Variants in PCGF6 observed in about 807,000 individuals in gnomAD.
PCGF6 encodes polycomb group RING finger protein 6.
In PCGF6, 24 loss-of-function variants were observed where a neutral mutation model predicts 45.5. The observed-to-expected ratio is 0.53, with a 90% CI of 0.38 to 0.74. The LOEUF is 0.74. Ranked by LOEUF, PCGF6 falls within the 30% of genes least tolerant of loss-of-function variation. PCGF6 has a pLI of 0.00. For synonymous variants in PCGF6, 152 were observed against 162.1 expected (o/e 0.94, Z 0.47); for missense variants, 356 against 443.2 (o/e 0.80, Z 1.77).
Position 103,317,947 on chromosome 10 carries a change from G to A in PCGF6, c.910-3675C>T, listed in dbSNP as rs958193883. Among the ~76,000 whole-genome samples, 5 of 150,798 alleles carry A rather than the reference G, an allele frequency of 3.3e-5. 1 individual carries two copies. In the South Asian group the frequency reaches 8.4e-4, roughly 25 times the overall value. The stretch of plus-strand genomic sequence containing the variant: ...CTAATTTTGTATTTTTAGTAGACAC[G>A]GGGTTTCTCATCTTGGTCAGACTGG... On this transcript the variant is annotated intron_variant, in intron 8 of 9. Coordinates refer to ENST00000369847, the MANE Select transcript of PCGF6 (RefSeq NM_001011663.2).
chr10:103,332,712 C>T (rs777821031), intron 7 of PCGF6, among the ~76,000 whole-genome samples: 4 of 152,154 alleles, frequency 2.6e-5, no homozygotes, highest in East Asian at 3.9e-4. Flanking sequence ...CATACAAAAA[C>T]GTATCTGCCA....
At chr10:103,336,482 T>C (rs1040094193) in intron 6 of PCGF6, among the ~76,000 whole-genome samples, 2 of 152,162 alleles carry the variant, frequency 1.3e-5, no homozygotes, top group African/African-American at 4.8e-5. Flanking sequence ...ATTATCTCTG[T>C]AGAATACTTG....
chr10:103,326,099 C>T (rs2093217189), intron 8 of PCGF6, among the ~76,000 whole-genome samples: 1 of 152,048 alleles, frequency 6.6e-6, no homozygotes, highest in Admixed American at 6.6e-5. Context: ...TATCAATATT[C>T]AATTAGCATT....
rs141568985 is a variant in PCGF6 at position 103,341,609 on chromosome 10, T to C, written c.782+3415A>G. 6.8e-3 allele frequency among the ~76,000 whole-genome samples: 1,027 copies of C among 151,906 alleles called. 10 individuals carry two copies. The highest frequency in any genetic ancestry group is 0.01 in the Non-Finnish European group (709 of 67,938). On this transcript the variant is annotated intron_variant, in intron 6 of 9. Coordinates refer to ENST00000369847, the MANE Select transcript of PCGF6 (RefSeq NM_001011663.2). ...TGCAAGCCACCACATCCAGCTTTTT[T>C]TTTTTTTGTATTTTTAGTAAAGACG...
chr10:103,327,833 C>A (rs1208603726), intron 7 of PCGF6, among the ~76,000 whole-genome samples: 1 of 148,212 alleles, frequency 6.7e-6, no homozygotes, highest in Non-Finnish European at 1.5e-5. Context: ...CACCACTACG[C>A]CCAACTAATT....
At chr10:103,335,989 A>G (rs2093255809) in intron 6 of PCGF6, among the ~76,000 whole-genome samples, 1 of 150,530 alleles carries the variant, frequency 6.6e-6, no homozygotes, top group Admixed American at 6.6e-5. Context: ...AAAAGAGGCC[A>G]GGCGCGGTGG....
intron 7 of PCGF6, among the ~76,000 whole-genome samples, chr10:103,329,899 C>G (rs527694278): frequency 3.3e-5 from 5 of 152,208 alleles, no homozygotes; most frequent in Admixed American, 2.6e-4. Context: ...CTGCCTCAGC[C>G]TCCCGAGTAG....
chr10:103,346,702 G>A (rs1288756590), intron 5 of PCGF6, among the ~76,000 whole-genome samples: 2 of 152,170 alleles, frequency 1.3e-5, no homozygotes, highest in African/African-American at 4.8e-5. Flanking sequence ...GGCTGAGGCA[G>A]GAGAATTGCT....
intron 9 of PCGF6, among the ~76,000 whole-genome samples, chr10:103,311,583 C>T (rs1460401296): frequency 1.3e-5 from 2 of 149,648 alleles, no homozygotes; most frequent in Non-Finnish European, 3.0e-5. Context: ...GCTGGGATTA[C>T]AGGCATGAGC....
chr10:103,311,389 G>A lies in PCGF6; in HGVS notation c.996+2797C>T, dbSNP rs183791228. 7.8e-4 allele frequency among the ~76,000 whole-genome samples: 118 copies of A among 151,384 alleles called. 1 individual carries two copies. The highest frequency in any genetic ancestry group is 2.5e-3 in the African/African-American group (104 of 41,286). On this transcript the variant is annotated intron_variant, in intron 9 of 9. Transcript: ENST00000369847. Reference sequence around the variant, plus strand: ...ACTCCTGACTTCAAATGATCTGCCCGTCTCTGCCTTCCAAAGTGCTGGGAT... The same window carrying A: ...ACTCCTGACTTCAAATGATCTGCCCATCTCTGCCTTCCAAAGTGCTGGGAT...
chr10:103,341,144 G>A (rs539605357), intron 6 of PCGF6, among the ~76,000 whole-genome samples: 10 of 151,878 alleles, frequency 6.6e-5, no homozygotes, highest in Non-Finnish European at 1.2e-4. Flanking sequence ...CAGGAGAATC[G>A]CTTGAACCCG....
intron 1 of PCGF6, among the ~76,000 whole-genome samples, chr10:103,350,416 G>A (rs1248902742): frequency 2.0e-5 from 3 of 152,218 alleles, no homozygotes; most frequent in Admixed American, 1.3e-4. Flanking sequence ...TCCAGCCTGG[G>A]AGACCCTGTC....
chr10:103,343,832 CA>C (rs71019677), intron 6 of PCGF6, among the ~76,000 whole-genome samples: 788 of 32,490 alleles, frequency 0.024, 24 homozygotes, highest in African/African-American at 0.07. Context: ...AACTCTGTCT[CA>C]AAAAAAAAAA....
At chr10:103,333,504 C>T (rs1475095918) in intron 7 of PCGF6, among the ~76,000 whole-genome samples, 2 of 152,156 alleles carry the variant, frequency 1.3e-5, no homozygotes, top group Non-Finnish European at 2.9e-5. Context: ...TTTAAATCAA[C>T]TCTGAACTTA....
intron 6 of PCGF6, among the ~76,000 whole-genome samples, chr10:103,343,099 T>A (rs2093286825): frequency 6.6e-6 from 1 of 152,030 alleles, no homozygotes; most frequent in African/African-American, 2.4e-5. Flanking sequence ...CAGCTAATTT[T>A]TTGTATTTTT....
chr10:103,306,345 G>A (rs539661792), intron 9 of PCGF6, among the ~76,000 whole-genome samples: 4 of 151,938 alleles, frequency 2.6e-5, no homozygotes, highest in Admixed American at 6.6e-5. Context: ...TGATCCGCCC[G>A]CCTTGGCCTC....
At chr10:103,335,611 T>C (rs939480963) in intron 6 of PCGF6, among the ~76,000 whole-genome samples, 3 of 151,882 alleles carry the variant, frequency 2.0e-5, no homozygotes, top group East Asian at 2.0e-4. Context: ...TCTGCCCACC[T>C]TGGCCTCCCA....
intron 9 of PCGF6, among the ~76,000 whole-genome samples, 179 bp from the exon 10 acceptor site, chr10:103,304,140 C>CT (rs34732054): frequency 0.46 from 65,065 of 142,692 alleles, 14,732 homozygotes; most frequent in South Asian, 0.64. Flanking sequence ...TGTGAATGTG[C>CT]TTTTTTTTTT....
chr10:103,333,819 T>TATTTAAATATGAAGTAC, intron 7 of PCGF6, 106 bp downstream of exon 7: 1 of 738,806 alleles, frequency 1.4e-6, no homozygotes, highest in Non-Finnish European at 2.1e-6. Flanking sequence ...ATGTACTTCA[T>TATTTAAATATGAAGTAC]ATTTAAATAA....
Sources: gnomAD v4.1 joint callset for allele counts (sites outside exome capture counted in the v4.1 genomes callset) on GRCh38, gnomAD v4.1.1 for gene constraint, MANE v1.5 for transcripts, NCBI Gene and HGNC (gene_info 2026-07-23, HGNC 2026-07-21) for gene names.